Variants in TCF20 observed in about 807,000 individuals in gnomAD.
The protein encoded by TCF20 is SPRE-binding protein.
Under a neutral mutation model 148.6 loss-of-function variants are expected in TCF20, and 3 were observed. That is an observed-to-expected ratio of 0.02 (90% CI 0.01 to 0.05). The LOEUF is 0.05. Among genes scored for constraint, TCF20 ranks in the 10% least tolerant of loss-of-function variants. The pLI, the probability that TCF20 is intolerant of heterozygous loss-of-function variation, is 1.00. For synonymous variants in TCF20, 1,049 were observed against 909.5 expected, an observed-to-expected ratio of 1.15 and a Z score of -2.76; for missense variants, 2,350 against 2,429.3, an observed-to-expected ratio of 0.97 and a Z score of 0.69.
chr22:42,263,122 C>T (rs1259526508), intron 1 of TCF20, among the ~76,000 whole-genome samples: 1 of 152,194 alleles, frequency 6.6e-6, no homozygotes, highest in African/African-American at 2.4e-5. Flanking sequence ...GATAAGGAAA[C>T]TACAGCTCAG....
chr22:42,220,663 G>A (rs1276458015), intron 1 of TCF20, among the ~76,000 whole-genome samples: 2 of 152,068 alleles, frequency 1.3e-5, no homozygotes, highest in South Asian at 2.1e-4. Context: ...GCCCTAGAAC[G>A]GACAATGGAA....
rs1927289562 is a variant in TCF20, at chr22:42,299,287, G to A, written c.-37+44192C>T. On this transcript the variant is annotated intron_variant, in intron 1 of 1. Coordinates refer to the TCF20 transcript ENST00000515426. This position sits in a 1 kb window ranked among gnomAD's most constrained non-coding sequence, Gnocchi z 4.1. ...AAGGAGGTGAGGCCATGTCTGGCTG[G>A]GGGTGCAGGAACTGAGGGTCCTTCC... is the stretch of plus-strand genomic sequence containing the variant. Among the ~76,000 whole-genome samples, 1 of 152,140 alleles carries A rather than the reference G, an allele frequency of 6.6e-6. No individual in the cohort carries two copies. The highest frequency in any genetic ancestry group is 1.5e-5 in the Non-Finnish European group (1 of 68,006).
At chr22:42,208,860 A>G (rs1366694918) in intron 2 of TCF20, among the ~76,000 whole-genome samples, 1 of 152,256 alleles carries the variant, frequency 6.6e-6, no homozygotes, top group African/African-American at 2.4e-5. Context: ...ATCAGCGTAC[A>G]TAAGATCTCA....
chr22:42,188,837 T>C (rs186473136), intron 2 of TCF20, among the ~76,000 whole-genome samples: 2 of 152,216 alleles, frequency 1.3e-5, no homozygotes, highest in Non-Finnish European at 2.9e-5. Context: ...ACCTAGTGTC[T>C]ACCCTCCAGG....
In TCF20 at chr22:42,214,944, G is replaced by A. The variant is rs1250624367; in HGVS notation, c.362C>T (p.Pro121Leu). Residue 121 changes from proline (P) to leucine (L), a missense_variant, in exon 2 of 6, where the codon CCC becomes CTC. Physicochemically the swap from Pro to Leu is moderately conservative, Grantham distance 98. Transcript: ENST00000677622. ...PSGPVQSYGPPQGSSFGNQYG... is the reference protein window; with the variant it reads ...PSGPVQSYGPLQGSSFGNQYG... ...CTGATTGCCAAAGCTGCTCCCCTGG[G>A]GGGGTCCATAGCTCTGCACAGGCCC... is the stretch of plus-strand genomic sequence containing the variant. 9 of 1,614,226 alleles carry A rather than the reference G, an allele frequency of 5.6e-6. No homozygotes were observed. The highest frequency in any genetic ancestry group is 5.9e-6 in the Non-Finnish European group (7 of 1,180,036).
rs931253700 is a variant in TCF20, at chr22:42,160,189, T to C, written c.*1214A>G. The C allele has an allele frequency of 1.3e-5, 2 of 152,620 alleles. No individual in the cohort carries two copies. Among genetic ancestry groups the C allele is most frequent in the African/African-American group, 4.8e-5 (2 of 41,438 alleles). 9.5% of individuals were successfully genotyped at this position (152,620 alleles called of 1,614,324 possible). ...AGATTTTTTTGTACTTTTTTCTTTT[T>C]TTAAAACTCAGATATTTAAAAATTA... On this transcript the variant is annotated 3_prime_UTR_variant, in exon 6 of 6. Transcript: ENST00000677622.
In TCF20 at chr22:42,180,896, G is replaced by A. The variant is rs551603573; in HGVS notation, c.5656-1194C>T. On this transcript the variant is annotated intron_variant, in intron 2 of 5. Transcript: ENST00000677622. ...AGAGACAAAAGAGGTAGGAACAAGGGCTGGAAGAGATTAGTCCTTCAAAAG... is the reference window on the plus strand; with the variant it reads ...AGAGACAAAAGAGGTAGGAACAAGGACTGGAAGAGATTAGTCCTTCAAAAG... Among the ~76,000 whole-genome samples the A allele has an allele frequency of 5.9e-5, 9 of 152,350 alleles. No homozygotes were observed. The East Asian group carries it at 1.4e-3, about 23-fold the overall frequency.
chr22:42,318,660 G>C (rs946252413), intron 1 of TCF20, among the ~76,000 whole-genome samples: 3 of 152,194 alleles, frequency 2.0e-5, no homozygotes, highest in East Asian at 1.9e-4. Context: ...ACGAGTGAGG[G>C]ATGACTCCAG....
At position 42,210,766 on chromosome 22, in the gene TCF20, T is replaced by C. The variant is rs780115427; in HGVS notation, c.4540A>G (p.Lys1514Glu). The change falls in exon 2 of 6, where the codon AAG becomes GAG. Residue 1514 changes from lysine (K) to glutamate (E), a missense_variant. Physicochemically the swap from Lys to Glu is moderately conservative, Grantham distance 56. This residue lies in a region of TCF20 where 231 missense variants were observed against 213.7 expected (regional missense o/e 1.08). Transcript: ENST00000677622. The surrounding 1 kb of genome is among the most constrained non-coding windows in gnomAD (Gnocchi z 4.7). ...APEANPKAEE[K>E]ENDTVTISPK... ...GAAATCGTCACTGTATCGTTCTCCT[T>C]CTCTTCAGCCTTGGGGTTTGCCTCA... 6.2e-7 allele frequency: 1 copy of C among 1,614,100 alleles called. No homozygotes were observed. The highest frequency in any genetic ancestry group is 1.3e-5 in the African/African-American group (1 of 75,052).
At chr22:42,304,534 G>A (rs533835556) in intron 1 of TCF20, among the ~76,000 whole-genome samples, 3 of 152,300 alleles carry the variant, frequency 2.0e-5, no homozygotes, top group Admixed American at 1.3e-4. Flanking sequence ...TGCTGCGTCC[G>A]TGCACTGCCG....
In TCF20 at chr22:42,213,734, G is replaced by A. The variant is rs376596489; in HGVS notation, c.1572C>T (p.Ser524=). The change falls in exon 2 of 6, where the codon TCC becomes TCT. Residue 524 remains serine (S), a synonymous_variant. Coordinates refer to ENST00000677622, the MANE Select transcript of TCF20 (RefSeq NM_001378418.1). ...TCTCGCCTTGATCCTCTGAACTGCT[G>A]GAGCAGCCTCCATCTAATGACTCTG... The part of the protein sequence containing the change: ...PMAESLDGGC[S]SSSEDQGERV... 8 of 1,613,950 alleles carry A rather than the reference G, an allele frequency of 5.0e-6. No individual in the cohort carries two copies. The highest frequency in any genetic ancestry group is 1.1e-5 in the South Asian group (1 of 91,086).
chr22:42,195,810 T>C (rs1937578708), intron 2 of TCF20, among the ~76,000 whole-genome samples: 1 of 152,208 alleles, frequency 6.6e-6, no homozygotes. Context: ...CAATATTACA[T>C]ACTTTTAAAC....
intron 1 of TCF20, among the ~76,000 whole-genome samples, chr22:42,219,371 A>AGC (rs1347145730): frequency 8.1e-5 from 12 of 147,804 alleles, no homozygotes; most frequent in Non-Finnish European, 1.7e-4. Flanking sequence ...AAAAAAAAAA[A>AGC]AAAAAAAAAA....
At chr22:42,270,057 A>C (rs1241461976) in intron 1 of TCF20, 1 of 152,914 alleles carries the variant, frequency 6.5e-6, no homozygotes, top group Non-Finnish European at 1.5e-5. Context: ...TCGGGCCAGC[A>C]CCGGCACCCA....
Position 42,161,206 on chromosome 22 carries a change from C to T in TCF20, c.*197G>A. The T allele has an allele frequency of 1.1e-6, 1 of 938,652 alleles. No homozygotes were observed. The highest frequency in any genetic ancestry group is 1.6e-6 in the Non-Finnish European group (1 of 642,904). The allele number at this position is 938,652 out of a possible 1,614,324, so 58.1% of individuals were successfully genotyped here. The stretch of plus-strand genomic sequence containing the variant: ...TGGGTCTTTCTTTCCTGTGGTGTCA[C>T]TGGTTTGAGTGTGATGTGAGAACTT... On this transcript the variant is annotated 3_prime_UTR_variant, in exon 6 of 6. Transcript: ENST00000677622.
intron 1 of TCF20, among the ~76,000 whole-genome samples, chr22:42,242,479 T>G (rs1024758039): frequency 5.9e-5 from 9 of 151,988 alleles, no homozygotes; most frequent in African/African-American, 2.2e-4. Flanking sequence ...AAATATCTAT[T>G]GTGGTCATAT....
intron 1 of TCF20, among the ~76,000 whole-genome samples, chr22:42,329,051 A>C (rs1927923858): frequency 6.6e-6 from 1 of 152,108 alleles, no homozygotes; most frequent in African/African-American, 2.4e-5. Flanking sequence ...CTTGTTTGTT[A>C]ATTTCATTTC....
chr22:42,223,241 G>A lies in TCF20; in HGVS notation c.-36-7900C>T, dbSNP rs140205094. 9.9e-4 allele frequency among the ~76,000 whole-genome samples: 151 copies of A among 152,152 alleles called. 1 individual carries two copies. The Middle Eastern group carries it at 0.017, about 17-fold the overall frequency. ...CTGTAACTCAATTAATGAATGAGGG[G>A]GAAAAATTAATGTAATTTTTTCCAA... On this transcript the variant is annotated intron_variant, in intron 1 of 5. Transcript: ENST00000677622.
Position 42,188,293 on chromosome 22 carries a change from CAAAAAAAAAA to C in TCF20, c.5656-8601_5656-8592del, listed in dbSNP as rs58945649. ...GGGCAACAAGAGTGAAACTCCGTCT[CAAAAAAAAAA>C]AAAAAAAAAAAAAAAAATCCAGATT... On this transcript the variant is annotated intron_variant, in intron 2 of 5. Transcript: ENST00000677622. Among the ~76,000 whole-genome samples, 30 of 49,464 alleles carry C rather than the reference CAAAAAAAAAA, an allele frequency of 6.1e-4. 1 individual carries two copies. The South Asian group carries it at 6.7e-3, about 11-fold the overall frequency. The allele number at this position is 49,464 out of a possible 152,430, so 32.5% of individuals were successfully genotyped here.
Sources: gnomAD v4.1 joint callset for allele counts (sites outside exome capture counted in the v4.1 genomes callset) on GRCh38, gnomAD v4.1.1 for gene constraint, gnomAD v4.1.1 regional missense constraint, Gnocchi (gnomAD v3.1) non-coding constraint, MANE v1.5 for transcripts, NCBI Gene and HGNC (gene_info 2026-07-23, HGNC 2026-07-21) for gene names.